MPDZ: variants seen among roughly 807,000 people sequenced by gnomAD.
MPDZ encodes multiple PDZ domain crumbs cell polarity complex component.
MPDZ carries 234 observed loss-of-function variants against 239.1 expected under a neutral mutation model. The ratio of observed to expected loss-of-function variants is 0.98; its 90% CI spans 0.88 to 1.09. The LOEUF (loss-of-function observed/expected upper bound fraction) is 1.09, where lower values mean the gene tolerates loss of function less well. Among genes scored for constraint, MPDZ ranks in the 50% least tolerant of loss-of-function variants. The pLI is 0.00. For missense variants in MPDZ, 3,175 were observed against 2,510.0 expected, an observed-to-expected ratio of 1.26 and a Z score of -5.66; for synonymous variants, 1,048 against 881.3, an observed-to-expected ratio of 1.19 and a Z score of -3.35.
At chr9:13,202,526 T>C (rs1368022694) in intron 12 of MPDZ, among the ~76,000 whole-genome samples, 1 of 152,180 alleles carries the variant, frequency 6.6e-6, no homozygotes, top group Admixed American at 6.6e-5. Context: ...GCAGAATACC[T>C]GCCAAGATAC....
chr9:13,187,373 CAT>C (rs1210408952), intron 17 of MPDZ, among the ~76,000 whole-genome samples: 1 of 152,060 alleles, frequency 6.6e-6, no homozygotes, highest in Non-Finnish European at 1.5e-5. Flanking sequence ...TATATTGAGT[CAT>C]GTTTGCCATT....
At position 13,113,837 on chromosome 9, in the gene MPDZ, T is replaced by G. The variant is rs998445197; in HGVS notation, c.5557+94A>C. Reference sequence around the variant, plus strand: ...TACCTATATTTGGATATGGGATGATTTGGGGGAAAAGAAAGCTCAGAGGTA... The same window carrying G: ...TACCTATATTTGGATATGGGATGATGTGGGGGAAAAGAAAGCTCAGAGGTA... On this transcript the variant is annotated intron_variant, in intron 41 of 46. Coordinates refer to ENST00000319217, the MANE Select transcript of MPDZ (RefSeq NM_001378778.1). 11 of 961,108 alleles carry G rather than the reference T, an allele frequency of 1.1e-5. No individual in the cohort carries two copies. In the East Asian group the frequency reaches 2.9e-4, roughly 25 times the overall value. The allele number at this position is 961,108 out of a possible 1,614,324, so 59.5% of individuals were successfully genotyped here.
chr9:13,276,777 A>G (rs1377503552), intron 1 of MPDZ: 1 of 152,214 alleles, frequency 6.6e-6, no homozygotes, highest in East Asian at 1.9e-4. Flanking sequence ...TCAACCTGAG[A>G]GAGACAAGAC....
chr9:13,189,784 CTTCT>C (rs1954640375), intron 16 of MPDZ, among the ~76,000 whole-genome samples: 1 of 152,184 alleles, frequency 6.6e-6, no homozygotes, highest in Admixed American at 6.6e-5. Context: ...GAAATACCTA[CTTCT>C]TTATGACTTA....
chr9:13,115,272 C>G lies in MPDZ; in HGVS notation c.5442G>C (p.Glu1814Asp), dbSNP rs1586896210. The change falls in exon 40 of 47, where the codon GAG becomes GAC. Residue 1814 changes from glutamate to aspartate, a missense_variant. Glu to Asp is a conservative substitution (Grantham distance 45). Coordinates refer to ENST00000319217, the MANE Select transcript of MPDZ (RefSeq NM_001378778.1). ...GRIKAGPFHS[E>D]RRPSQSSQVS... ...CCTGGCTGCTTTGAGATGGCCTCCT[C>G]TCTGAATGGAATGGACCAGCTTTGA... 6.2e-7 allele frequency: 1 copy of G among 1,612,666 alleles called. No homozygotes were observed. The highest frequency in any genetic ancestry group is 8.5e-7 in the Non-Finnish European group (1 of 1,179,848).
rs747499058 is a variant in MPDZ, at chr9:13,110,057, G to A, written c.5837C>T (p.Ala1946Val). 4.3e-6 allele frequency: 7 copies of A among 1,611,870 alleles called. No individual in the cohort carries two copies. The highest frequency in any genetic ancestry group is 2.7e-5 in the African/African-American group (2 of 74,858). ...TGTGACCACACTCACGTCTCCTCCA[G>A]CAACCACCTGCGCACAGGAGGAGGA... ...ASGSIEMQVV[A>V]GGDVSVVTGH... Residue 1946 changes from alanine to valine, a missense_variant, in exon 45 of 47, where the codon GCT (alanine) becomes GTT (valine). Coordinates refer to ENST00000319217, the MANE Select transcript of MPDZ (RefSeq NM_001378778.1).
At chr9:13,272,015 G>C (rs1233129752) in intron 1 of MPDZ, among the ~76,000 whole-genome samples, 2 of 152,144 alleles carry the variant, frequency 1.3e-5, no homozygotes, top group African/African-American at 2.4e-5. Context: ...GGACTACCAA[G>C]ATGCATGAGG....
intron 1 of MPDZ, among the ~76,000 whole-genome samples, chr9:13,277,176 C>G (rs1281240033): frequency 6.6e-6 from 1 of 152,060 alleles, no homozygotes; most frequent in African/African-American, 2.4e-5. Flanking sequence ...TTGAAGCACA[C>G]TAAAAATTGA....
intron 24 of MPDZ, among the ~76,000 whole-genome samples, chr9:13,155,493 T>A (rs1302713956): frequency 6.6e-6 from 1 of 152,088 alleles, no homozygotes; most frequent in Non-Finnish European, 1.5e-5. Flanking sequence ...CTAAATTGAA[T>A]GAATTAGATC....
At chr9:13,265,680 T>C (rs1971639397) in intron 1 of MPDZ, among the ~76,000 whole-genome samples, 1 of 152,056 alleles carries the variant, frequency 6.6e-6, no homozygotes, top group African/African-American at 2.4e-5. Context: ...CTGTCGGAGG[T>C]GATAGTACAA....
intron 7 of MPDZ, 108 bp downstream of exon 7, chr9:13,221,264 C>A (rs1044896998): frequency 3.3e-6 from 4 of 1,216,590 alleles, no homozygotes; most frequent in Admixed American, 5.5e-5. Flanking sequence ...AACTCAATTT[C>A]TTTGGCATCA....
At chr9:13,249,994 T>A (rs1204000150) in intron 2 of MPDZ, among the ~76,000 whole-genome samples, 2 of 152,234 alleles carry the variant, frequency 1.3e-5, no homozygotes, top group African/African-American at 4.8e-5. Flanking sequence ...CAGAAATAGA[T>A]ATTAACCAGA....
intron 1 of MPDZ, among the ~76,000 whole-genome samples, chr9:13,259,485 C>G (rs1970181136): frequency 6.6e-6 from 1 of 152,106 alleles, no homozygotes; most frequent in Non-Finnish European, 1.5e-5. Context: ...AATGATGATA[C>G]AACCTGGGAA....
At chr9:13,209,637 G>A (rs541441428) in intron 10 of MPDZ, among the ~76,000 whole-genome samples, 2 of 152,114 alleles carry the variant, frequency 1.3e-5, no homozygotes, top group Non-Finnish European at 2.9e-5. Flanking sequence ...ATCTTCCTAT[G>A]AAGTTGTTAT....
chr9:13,262,223 G>A (rs539575967), intron 1 of MPDZ, among the ~76,000 whole-genome samples: 1 of 152,120 alleles, frequency 6.6e-6, no homozygotes, highest in African/African-American at 2.4e-5. Flanking sequence ...AGCACTTTGG[G>A]AGGGCAAGAC....
Position 13,123,184 on chromosome 9 carries a change from A to T in MPDZ, c.4922T>A (p.Leu1641Gln). The T allele has an allele frequency of 6.2e-7, 1 of 1,612,082 alleles. No individual in the cohort carries two copies. Among genetic ancestry groups the T allele is most frequent in the Non-Finnish European group, 8.5e-7 (1 of 1,179,258 alleles). The stretch of plus-strand genomic sequence containing the variant: ...CGTGTCTGAACCCCCAACGATGCTC[A>T]GGCCCAGCCCTGTTCGCCCTTTGGA... ...EISKGRTGLGLSIVGGSDTLL... is the reference protein window; with the variant it reads ...EISKGRTGLGQSIVGGSDTLL... Residue 1641 changes from leucine to glutamine, a missense_variant, in exon 36 of 47, where the codon CTG becomes CAG. By Grantham distance (113) the Leu-to-Gln change is moderately radical. Transcript: ENST00000319217.
chr9:13,131,924 C>T (rs1245492581), intron 32 of MPDZ, among the ~76,000 whole-genome samples: 1 of 152,182 alleles, frequency 6.6e-6, no homozygotes, highest in African/African-American at 2.4e-5. Flanking sequence ...CCAAAGCCCA[C>T]ACTTAAAATC....
chr9:13,243,862 C>T (rs952607192), intron 3 of MPDZ, among the ~76,000 whole-genome samples: 3 of 152,098 alleles, frequency 2.0e-5, no homozygotes, highest in African/African-American at 7.2e-5. Context: ...ACACCAACAA[C>T]AAAACAATAG....
chr9:13,154,180 G>A (rs1489834917), intron 24 of MPDZ, among the ~76,000 whole-genome samples: 3 of 152,044 alleles, frequency 2.0e-5, no homozygotes, highest in South Asian at 2.1e-4. Flanking sequence ...AAACAATGAA[G>A]AAGGTAATCA....
Sources: allele counts gnomAD v4.1 joint callset (sites outside exome capture counted in the v4.1 genomes callset), GRCh38; gene constraint gnomAD v4.1.1; transcripts MANE v1.5; gene names NCBI Gene and HGNC (gene_info 2026-07-23, HGNC 2026-07-21).